The following CYP19A1 variants were observed in gnomAD, a reference collection of about 807,000 sequenced individuals.
CYP19A1 encodes the protein cytochrome P450 family 19 subfamily A member 1.
In CYP19A1, 32 loss-of-function variants were observed where a neutral mutation model predicts 44.4. The ratio of observed to expected loss-of-function variants is 0.72; its 90% CI spans 0.54 to 0.97. CYP19A1 has a LOEUF of 0.97. Ranked by LOEUF, CYP19A1 falls within the 50% of genes least tolerant of loss-of-function variation. CYP19A1 has a pLI of 0.00. For synonymous variants in CYP19A1, 212 were observed against 215.6 expected (o/e 0.98, Z 0.14); for missense variants, 598 against 637.8 (o/e 0.94, Z 0.67).
chr15:51,263,126 T>C (rs1204818588), intron 1 of CYP19A1, among the ~76,000 whole-genome samples: 1 of 151,250 alleles, frequency 6.6e-6, no homozygotes, highest in Non-Finnish European at 1.5e-5. Flanking sequence ...TAGAATTTGG[T>C]AGGAAAAGGA....
At chr15:51,295,570 G>T (rs2035977480) in intron 1 of CYP19A1, among the ~76,000 whole-genome samples, 1 of 152,220 alleles carries the variant, frequency 6.6e-6, no homozygotes, top group South Asian at 2.1e-4. Flanking sequence ...AGGCTCTCAG[G>T]AGGCATTGCT....
intron 1 of CYP19A1, among the ~76,000 whole-genome samples, chr15:51,280,306 G>A (rs1240860816): frequency 6.6e-6 from 1 of 151,722 alleles, no homozygotes; most frequent in Non-Finnish European, 1.5e-5. Flanking sequence ...CACAGTCTTA[G>A]CCAGGATGGT....
intron 8 of CYP19A1, among the ~76,000 whole-genome samples, chr15:51,213,477 C>T (rs1299216034): frequency 6.6e-6 from 1 of 152,156 alleles, no homozygotes; most frequent in Admixed American, 6.5e-5. Context: ...ATGGCCCTTC[C>T]TCTTACATAC....
At chr15:51,294,011 G>A in intron 1 of CYP19A1, 1 of 189,726 alleles carries the variant, frequency 5.3e-6, no homozygotes, top group Non-Finnish European at 1.1e-5. Flanking sequence ...TCTCTGCCTG[G>A]CCGCCCATCG....
rs542355780 is a variant in CYP19A1, at chr15:51,248,070, G to T, written c.-38-5120C>A. On this transcript the variant is annotated intron_variant, in intron 1 of 9. Coordinates refer to ENST00000396402, the MANE Select transcript of CYP19A1 (RefSeq NM_000103.4). The stretch of plus-strand genomic sequence containing the variant: ...TACCTCAAACTCTCTAAGATTAATT[G>T]CTCTCAAAAGCCTCTGTTGTGAAAA... 2.6e-5 allele frequency among the ~76,000 whole-genome samples: 4 copies of T among 152,172 alleles called. No homozygotes were observed. In the South Asian group the frequency reaches 8.3e-4, roughly 32 times the overall value.
intron 1 of CYP19A1, among the ~76,000 whole-genome samples, chr15:51,315,490 C>CT (rs1377412354): frequency 2.0e-5 from 3 of 152,178 alleles, no homozygotes; most frequent in African/African-American, 7.2e-5. Context: ...CTGTCCTTCA[C>CT]TAGACTACAA....
chr15:51,322,397 A>C (rs1209220992), intron 1 of CYP19A1, among the ~76,000 whole-genome samples: 1 of 152,268 alleles, frequency 6.6e-6, no homozygotes, highest in African/African-American at 2.4e-5. Context: ...GAGTCACTTT[A>C]TGTAAATACC....
rs564326118 is a variant in CYP19A1 at position 51,319,160 on chromosome 15, A to G, written c.-39+19335T>C. The stretch of plus-strand genomic sequence containing the variant: ...CACCATTCCTTTTCAAGCTCCGCCT[A>G]AGTGTCTCACCCCTACACCCTTTCC... On this transcript the variant is annotated intron_variant, in intron 1 of 9. Transcript: ENST00000396402. Among the ~76,000 whole-genome samples the G allele has an allele frequency of 9.2e-5, 14 of 152,290 alleles. No individual in the cohort carries two copies. The South Asian group carries it at 1.9e-3, about 20-fold the overall frequency.
intron 1 of CYP19A1, among the ~76,000 whole-genome samples, chr15:51,282,406 T>C (rs1200253399): frequency 2.0e-5 from 3 of 152,220 alleles, no homozygotes; most frequent in Non-Finnish European, 2.9e-5. Context: ...CTCCCTATTA[T>C]CTCAAGTAGC....
chr15:51,290,618 T>C (rs868634863), intron 1 of CYP19A1, among the ~76,000 whole-genome samples: 2 of 151,768 alleles, frequency 1.3e-5, no homozygotes, highest in African/African-American at 4.8e-5. Flanking sequence ...GGGAGGTGTG[T>C]CAAATCAATT....
At chr15:51,247,293 G>A (rs1301294654) in intron 1 of CYP19A1, among the ~76,000 whole-genome samples, 1 of 151,990 alleles carries the variant, frequency 6.6e-6, no homozygotes, top group Non-Finnish European at 1.5e-5. Flanking sequence ...CTTCTGTGAA[G>A]GCACCTCCCC....
intron 2 of CYP19A1, chr15:51,242,071 G>A (rs374510996): frequency 6.5e-6 from 1 of 154,014 alleles, no homozygotes; most frequent in Middle Eastern, 5.3e-4. Flanking sequence ...TTTAAGGGTG[G>A]AAGGGTGGGG....
intron 1 of CYP19A1, among the ~76,000 whole-genome samples, chr15:51,243,476 A>T (rs2033902881): frequency 6.6e-6 from 1 of 152,202 alleles, no homozygotes; most frequent in South Asian, 2.1e-4. Context: ...GGCATCGTTG[A>T]GGTCTTCTCA....
rs1181715276 is a variant in CYP19A1, at chr15:51,248,272, G to A, written c.-38-5322C>T. Among the ~76,000 whole-genome samples the A allele has an allele frequency of 3.9e-5, 6 of 152,132 alleles. No homozygotes were observed. In the East Asian group the frequency reaches 9.6e-4, roughly 24 times the overall value. On this transcript the variant is annotated intron_variant, in intron 1 of 9. Transcript: ENST00000396402. ...CAAACCATCTCTCCATGAGCCCAGTGGAGACTCCAGCCCATTTGCCGCCAT... is the reference window on the plus strand; with the variant it reads ...CAAACCATCTCTCCATGAGCCCAGTAGAGACTCCAGCCCATTTGCCGCCAT...
intron 1 of CYP19A1, among the ~76,000 whole-genome samples, chr15:51,299,888 A>G (rs975227591): frequency 1.4e-4 from 21 of 152,230 alleles, no homozygotes; most frequent in Admixed American, 1.2e-3. Context: ...ACACTCATTG[A>G]AGGTTCTACA....
intron 2 of CYP19A1, among the ~76,000 whole-genome samples, chr15:51,240,189 C>T (rs1193579047): frequency 2.0e-5 from 3 of 152,054 alleles, no homozygotes; most frequent in Non-Finnish European, 2.9e-5. Context: ...ATAATCCCCT[C>T]GGGGCAGAAA....
At chr15:51,276,112 T>C (rs28757134) in intron 1 of CYP19A1, among the ~76,000 whole-genome samples, 25 of 152,336 alleles carry the variant, frequency 1.6e-4, no homozygotes, top group African/African-American at 5.5e-4. Context: ...ATTGAGACCA[T>C]TTATATGCAG....
At chr15:51,236,072 T>C (rs2033374462) in intron 3 of CYP19A1, among the ~76,000 whole-genome samples, 1 of 152,208 alleles carries the variant, frequency 6.6e-6, no homozygotes, top group Non-Finnish European at 1.5e-5. Context: ...GCTAATTCAA[T>C]CTGCTAGTTA....
Position 51,208,601 on chromosome 15 carries a change from C to T in CYP19A1, c.*2207G>A, listed in dbSNP as rs1595659636. 1 of 152,060 alleles carries T rather than the reference C, an allele frequency of 6.6e-6. No homozygotes were observed. The allele number at this position is 152,060 out of a possible 1,614,324, so 9.4% of individuals were successfully genotyped here. ...CAATGGTATTCCAGAATTCCAAGGCCAAGCCTCTACAAATATATGGGGTTT... is the reference window on the plus strand; with the variant it reads ...CAATGGTATTCCAGAATTCCAAGGCTAAGCCTCTACAAATATATGGGGTTT... On this transcript the variant is annotated 3_prime_UTR_variant, in exon 10 of 10. Transcript: ENST00000396402.
Sources: gnomAD v4.1 joint callset for allele counts (sites outside exome capture counted in the v4.1 genomes callset) on GRCh38, gnomAD v4.1.1 for gene constraint, MANE v1.5 for transcripts, NCBI Gene and HGNC (gene_info 2026-07-23, HGNC 2026-07-21) for gene names.